Variants in ADAM19 observed in about 807,000 individuals in gnomAD.
ADAM19 encodes the protein disintegrin and metalloproteinase domain-containing protein 19.
ADAM19 carries 65 observed loss-of-function variants against 114.7 expected under a neutral mutation model. The ratio of observed to expected loss-of-function variants is 0.57; its 90% CI spans 0.46 to 0.70. ADAM19 has a LOEUF of 0.70. Ranked by LOEUF, ADAM19 falls within the 30% of genes least tolerant of loss-of-function variation. The pLI, the probability that ADAM19 is intolerant of heterozygous loss-of-function variation, is 0.00. For synonymous variants in ADAM19, 466 were observed against 460.5 expected (o/e 1.01, Z -0.15); for missense variants, 1,063 against 1,204.7 (o/e 0.88, Z 1.74).
intron 7 of ADAM19, among the ~76,000 whole-genome samples, chr5:157,513,749 C>T (rs549856391): frequency 7.2e-5 from 11 of 152,298 alleles, no homozygotes; most frequent in East Asian, 3.9e-4. Context: ...TAATTATGCA[C>T]GGAGTAGAAT....
chr5:157,572,016 C>T (rs1347039208), intron 1 of ADAM19, among the ~76,000 whole-genome samples: 1 of 152,214 alleles, frequency 6.6e-6, no homozygotes, highest in Non-Finnish European at 1.5e-5. Context: ...CTTTCTACTT[C>T]CCAAATCACT....
chr5:157,557,444 C>T (rs11744032), intron 3 of ADAM19, among the ~76,000 whole-genome samples: 47,035 of 151,954 alleles, frequency 0.31, 8,018 homozygotes, highest in Middle Eastern at 0.45. Flanking sequence ...CTTAGACAAG[C>T]GTATCATGAA....
intron 6 of ADAM19, among the ~76,000 whole-genome samples, chr5:157,519,128 T>A (rs1210403338): frequency 6.6e-6 from 1 of 152,058 alleles, no homozygotes; most frequent in Non-Finnish European, 1.5e-5. Context: ...TCTCAGAAAA[T>A]ACTGAGATGA....
intron 11 of ADAM19, among the ~76,000 whole-genome samples, chr5:157,503,868 A>G (rs1272843585): frequency 3.3e-5 from 5 of 152,224 alleles, no homozygotes; most frequent in Admixed American, 6.5e-5. Context: ...TCATAAACGC[A>G]TGCTCTTTAT....
At chr5:157,492,923 A>G in intron 16 of ADAM19, 50 bp downstream of exon 16, 1 of 1,598,794 alleles carries the variant, frequency 6.3e-7, no homozygotes, top group Non-Finnish European at 8.6e-7. Flanking sequence ...TCACTTCTCA[A>G]TCACTCTGCT....
rs776027073 is a variant in ADAM19, at chr5:157,549,475, T to C, written c.252-11484A>G. ...AAACATTTACACATTGTTTTCTCAG[T>C]CTGAATTCCTTTCTCATTCTCCATT... On this transcript the variant is annotated intron_variant, in intron 3 of 22. Coordinates refer to ENST00000257527, the MANE Select transcript of ADAM19 (RefSeq NM_033274.5). 5.3e-5 allele frequency among the ~76,000 whole-genome samples: 8 copies of C among 152,224 alleles called. 1 individual carries two copies. Among genetic ancestry groups the C allele is most frequent in the Admixed American group, 2.6e-4 (4 of 15,282 alleles).
At chr5:157,522,443 G>T (rs899549251) in intron 5 of ADAM19, among the ~76,000 whole-genome samples, 1 of 152,310 alleles carries the variant, frequency 6.6e-6, no homozygotes, top group South Asian at 2.1e-4. Flanking sequence ...AAGCATTCTA[G>T]TTCCAAGTCC....
At chr5:157,500,071 AC>A (rs1306124606) in intron 12 of ADAM19, among the ~76,000 whole-genome samples, 1 of 152,110 alleles carries the variant, frequency 6.6e-6, no homozygotes, top group African/African-American at 2.4e-5. Context: ...GAACCACCGC[AC>A]CTGGCCTGGA....
intron 7 of ADAM19, among the ~76,000 whole-genome samples, chr5:157,515,486 T>C (rs1756065072): frequency 6.6e-6 from 1 of 152,234 alleles, no homozygotes; most frequent in South Asian, 2.1e-4. Flanking sequence ...TAGTCTCTGC[T>C]ACAACTCTTC....
At position 157,503,289 on chromosome 5, in the gene ADAM19, C is replaced by T. The variant is rs368289145; in HGVS notation, c.1131-309G>A. 7.2e-5 allele frequency among the ~76,000 whole-genome samples: 11 copies of T among 152,150 alleles called. No individual in the cohort carries two copies. The East Asian group carries it at 9.7e-4, about 13-fold the overall frequency. On this transcript the variant is annotated intron_variant, in intron 11 of 22. Coordinates refer to ENST00000257527, the MANE Select transcript of ADAM19 (RefSeq NM_033274.5). ...TTCTCACTCATAGGTGGGAACTGAA[C>T]AATGAGAACACTTGGACACAGGAAG...
chr5:157,499,740 A>G lies in ADAM19; in HGVS notation c.1309-78T>C, dbSNP rs1024914180. On this transcript the variant is annotated intron_variant, in intron 12 of 22. Transcript: ENST00000257527. ...ACATTTTCCCCACCCTTGCCCACAC[A>G]CCCCTGGAACCCCAGCTCTCTAGCA... is the stretch of plus-strand genomic sequence containing the variant. 51 of 799,310 alleles carry G rather than the reference A, an allele frequency of 6.4e-5. No individual in the cohort carries two copies. The African/African-American group carries it at 8.9e-4, about 14-fold the overall frequency. 49.5% of individuals were successfully genotyped at this position (799,310 alleles called of 1,614,324 possible). A position where few individuals can be genotyped will look rare whatever the true frequency, so the allele number is the denominator to read the frequency against.
At chr5:157,552,411 G>A (rs1406033621) in intron 3 of ADAM19, among the ~76,000 whole-genome samples, 1 of 152,038 alleles carries the variant, frequency 6.6e-6, no homozygotes, top group Admixed American at 6.6e-5. Context: ...TAGCACTTTG[G>A]GAGGCTGAGG....
At chr5:157,494,343 G>A (rs1334119077) in intron 15 of ADAM19, among the ~76,000 whole-genome samples, 2 of 152,140 alleles carry the variant, frequency 1.3e-5, no homozygotes, top group Non-Finnish European at 2.9e-5. Context: ...ATAAATGAAT[G>A]AATGAGTGAA....
intron 15 of ADAM19, 63 bp from the exon 16 acceptor site, chr5:157,493,240 CAG>C: frequency 1.9e-6 from 3 of 1,551,236 alleles, no homozygotes; most frequent in Non-Finnish European, 2.7e-6. Context: ...GCTGGGGCAC[CAG>C]AGAGCTTCAG....
chr5:157,495,863 A>T (rs1755345370), intron 14 of ADAM19, among the ~76,000 whole-genome samples: 1 of 148,850 alleles, frequency 6.7e-6, no homozygotes, highest in African/African-American at 2.5e-5. Flanking sequence ...TGAACTCCTG[A>T]CCTCAGGTGA....
intron 5 of ADAM19, 107 bp downstream of exon 5, chr5:157,530,699 AT>A: frequency 1.1e-6 from 1 of 926,180 alleles, no homozygotes; most frequent in Non-Finnish European, 1.7e-6. Flanking sequence ...GCTTGCACAC[AT>A]TCTCAATGGA....
chr5:157,482,054 G>C, intron 21 of ADAM19, 111 bp from the exon 22 acceptor site: 4 of 872,642 alleles, frequency 4.6e-6, no homozygotes, highest in Non-Finnish European at 6.9e-6. Flanking sequence ...ATACTGTATG[G>C]TCCCATTTAG....
chr5:157,574,411 C>T (rs1188392025), intron 1 of ADAM19, among the ~76,000 whole-genome samples: 2 of 152,188 alleles, frequency 1.3e-5, no homozygotes, highest in Non-Finnish European at 2.9e-5. Flanking sequence ...TCAGTTTCCC[C>T]TTCGGAACAA....
chr5:157,564,491 GC>G, intron 2 of ADAM19, 48 bp from the exon 3 acceptor site: 1 of 1,563,606 alleles, frequency 6.4e-7, no homozygotes, highest in South Asian at 1.1e-5. Context: ...CCGGCACCAG[GC>G]TCCCTGGGTC....
Sources: allele counts gnomAD v4.1 joint callset (sites outside exome capture counted in the v4.1 genomes callset), GRCh38; gene constraint gnomAD v4.1.1; transcripts MANE v1.5; gene names NCBI Gene and HGNC (gene_info 2026-07-23, HGNC 2026-07-21).